The following CALN1 variants were observed in gnomAD, a reference collection of about 807,000 sequenced individuals.
The protein encoded by CALN1 is calcium-binding protein 8.
Under a neutral mutation model 30.6 loss-of-function variants are expected in CALN1, and 17 were observed. That is an observed-to-expected ratio of 0.56 (90% CI 0.38 to 0.83). The LOEUF (loss-of-function observed/expected upper bound fraction) is 0.83. CALN1 is among the 40% of genes least tolerant of loss of function. The probability of loss-of-function intolerance (pLI) is 0.00; values close to 1 mark genes in which losing one functional copy is unlikely to be tolerated. For synonymous variants in CALN1, 156 were observed against 131.4 expected (o/e 1.19, Z -1.28); for missense variants, 291 against 354.9 (o/e 0.82, Z 1.45).
intron 4 of CALN1, among the ~76,000 whole-genome samples, chr7:72,028,058 C>CAAAAAA (rs34092922): frequency 1.2e-5 from 1 of 82,756 alleles, no homozygotes. Flanking sequence ...GACTCCGTCT[C>CAAAAAA]AAAAAAAAAA....
At chr7:72,360,208 T>C (rs1585577455) in intron 2 of CALN1, among the ~76,000 whole-genome samples, 1 of 152,192 alleles carries the variant, frequency 6.6e-6, no homozygotes, top group East Asian at 1.9e-4. Flanking sequence ...GCTTCCTGGA[T>C]ACAATAAGTA....
intron 2 of CALN1, among the ~76,000 whole-genome samples, chr7:72,368,199 G>A (rs1803992653): frequency 6.6e-6 from 1 of 150,712 alleles, no homozygotes; most frequent in African/African-American, 2.4e-5. Flanking sequence ...ATATATATAT[G>A]TGTGTGTATA....
chr7:72,319,167 T>C (rs1442495386), intron 2 of CALN1, among the ~76,000 whole-genome samples: 1 of 152,202 alleles, frequency 6.6e-6, no homozygotes, highest in East Asian at 1.9e-4. Context: ...ATAAAGAAAA[T>C]GTGGTATAGA....
intron 5 of CALN1, among the ~76,000 whole-genome samples, chr7:71,873,285 G>C (rs1294408180): frequency 2.0e-5 from 3 of 152,108 alleles, no homozygotes; most frequent in African/African-American, 7.2e-5. Flanking sequence ...TGGGATTACA[G>C]GTGTGAGCCA....
At chr7:72,103,517 T>C (rs1806849172) in intron 4 of CALN1, among the ~76,000 whole-genome samples, 1 of 152,138 alleles carries the variant, frequency 6.6e-6, no homozygotes. Context: ...ACTTTGAAAG[T>C]GTTAAATGAA....
intron 2 of CALN1, among the ~76,000 whole-genome samples, chr7:72,374,960 TA>T (rs1432769764): frequency 1.3e-5 from 2 of 152,226 alleles, no homozygotes; most frequent in African/African-American, 4.8e-5. Flanking sequence ...AATATGGATC[TA>T]ATTTTCCCTG....
intron 2 of CALN1, among the ~76,000 whole-genome samples, chr7:72,316,984 A>AAAGG: frequency 8.2e-6 from 1 of 122,404 alleles, no homozygotes. Context: ...AAAGGAAAGG[A>AAAGG]AAAAAAAAGG....
chr7:72,457,892 A>C, the CALN1 span, among the ~76,000 whole-genome samples: 7,335 of 151,460 alleles, frequency 0.048, 213 homozygotes, highest in African/African-American at 0.061. Context: ...AGTAGCTGAG[A>C]CTACAGGCAT....
chr7:71,955,482 C>T (rs1562933647), intron 5 of CALN1, among the ~76,000 whole-genome samples: 2 of 152,076 alleles, frequency 1.3e-5, no homozygotes, highest in Non-Finnish European at 2.9e-5. Context: ...CCCCTACTCC[C>T]TAAGTGAGAA....
At chr7:71,814,682 G>A (rs36000191) in intron 5 of CALN1, among the ~76,000 whole-genome samples, 24,768 of 151,968 alleles carry the variant, frequency 0.16, 2,964 homozygotes, top group East Asian at 0.61. Flanking sequence ...AACACCATGA[G>A]GATGAAGACC....
At chr7:71,856,234 T>G (rs1200379738) in intron 5 of CALN1, among the ~76,000 whole-genome samples, 7 of 150,470 alleles carry the variant, frequency 4.7e-5, no homozygotes, top group Non-Finnish European at 1.0e-4. Flanking sequence ...TATACATATA[T>G]TTAAACTCCT....
At chr7:72,322,631 T>C (rs559722081) in intron 2 of CALN1, among the ~76,000 whole-genome samples, 11 of 151,826 alleles carry the variant, frequency 7.2e-5, no homozygotes, top group South Asian at 6.3e-4. Context: ...CTCATAGAGA[T>C]AGAGAGTAGA....
At chr7:72,161,823 G>T (rs933707921) in intron 3 of CALN1, among the ~76,000 whole-genome samples, 1 of 151,844 alleles carries the variant, frequency 6.6e-6, no homozygotes, top group Non-Finnish European at 1.5e-5. Flanking sequence ...ATGGATGCTG[G>T]GCTTAATATC....
intron 1 of CALN1, among the ~76,000 whole-genome samples, chr7:72,436,914 T>TA (rs1324162136): frequency 6.6e-6 from 1 of 151,510 alleles, no homozygotes; most frequent in East Asian, 1.9e-4. Flanking sequence ...CTGCAGAAAA[T>TA]AAAAAATTAG....
chr7:71,828,824 T>G (rs7788236), intron 5 of CALN1, among the ~76,000 whole-genome samples: 1 of 151,314 alleles, frequency 6.6e-6, no homozygotes, highest in Non-Finnish European at 1.5e-5. Flanking sequence ...TCTTGACTCA[T>G]GGCAACCTCC....
chr7:72,345,887 T>G (rs1802617819), intron 2 of CALN1, among the ~76,000 whole-genome samples: 1 of 152,178 alleles, frequency 6.6e-6, no homozygotes, highest in Admixed American at 6.5e-5. Context: ...ACTATAATTT[T>G]TTAAATATAA....
chr7:72,267,078 T>TCAGATA (rs1796645896), intron 3 of CALN1, among the ~76,000 whole-genome samples: 1 of 152,154 alleles, frequency 6.6e-6, no homozygotes, highest in Non-Finnish European at 1.5e-5. Context: ...CTTTGAGCCA[T>TCAGATA]CAGATAAGAG....
intron 3 of CALN1, among the ~76,000 whole-genome samples, chr7:72,196,221 A>G (rs1208422665): frequency 1.3e-5 from 2 of 152,010 alleles, no homozygotes; most frequent in Non-Finnish European, 2.9e-5. Context: ...GGACTCAAGC[A>G]GTTCTCCTGC....
At chr7:72,299,787 G>A (rs1351354493) in intron 2 of CALN1, among the ~76,000 whole-genome samples, 17 of 149,632 alleles carry the variant, frequency 1.1e-4, no homozygotes, top group Admixed American at 5.4e-4. Context: ...CTCCTGCCTC[G>A]ACCTCCCAAA....
Sources: gnomAD v4.1 joint callset for allele counts (sites outside exome capture counted in the v4.1 genomes callset) on GRCh38, gnomAD v4.1.1 for gene constraint, MANE v1.5 for transcripts, NCBI Gene and HGNC (gene_info 2026-07-23, HGNC 2026-07-21) for gene names.